The following VCP variants were observed in gnomAD, a reference collection of about 807,000 sequenced individuals.
VCP encodes the protein valosin containing protein, also known as transitional endoplasmic reticulum ATPase.
VCP carries 6 observed loss-of-function variants against 85.7 expected under a neutral mutation model. The observed-to-expected ratio is 0.07, with a 90% CI of 0.04 to 0.14. The LOEUF (loss-of-function observed/expected upper bound fraction) is 0.14. Among genes scored for constraint, VCP ranks in the 10% least tolerant of loss-of-function variants. VCP has a pLI of 1.00. For missense variants in VCP, 353 were observed against 1,043.4 expected (o/e 0.34, Z 9.12); for synonymous variants, 384 against 367.1 (o/e 1.05, Z -0.53).
intron 4 of VCP, 77 bp downstream of exon 4, chr9:35,066,596 GAA>G: frequency 7.7e-7 from 1 of 1,291,898 alleles, no homozygotes; most frequent in Non-Finnish European, 1.1e-6. Context: ...AAAAAAAAAA[GAA>G]AAAGAAAATG....
Position 35,062,218 on chromosome 9 carries a change from T to C in VCP, c.944A>G (p.Lys315Arg), listed in dbSNP as rs1165320538. Residue 315 changes from lysine (K) to arginine (R), a missense_variant and splice_region_variant, in exon 8 of 17, where the codon AAA (lysine) becomes AGA (arginine). By Grantham distance (26) the Lys-to-Arg change is conservative (BLOSUM62 2). Coordinates refer to ENST00000358901, the MANE Select transcript of VCP (RefSeq NM_007126.5). Reference protein sequence around the residue: ...ELDAIAPKREKTHGEVERRIV... With the variant: ...ELDAIAPKRERTHGEVERRIV... ...CTATCCCCTCAGGTAAGCTCCTACT[T>C]TCTCTCTTTTGGGAGCGATGGCATC... 1 of 1,614,074 alleles carries C rather than the reference T, an allele frequency of 6.2e-7. No individual in the cohort carries two copies. Among genetic ancestry groups the C allele is most frequent in the Admixed American group, 1.7e-5 (1 of 60,020 alleles).
At chr9:35,060,780 C>A (rs1828706592) in intron 12 of VCP, 21 bp downstream of exon 12, 1 of 1,614,162 alleles carries the variant, frequency 6.2e-7, no homozygotes, top group Non-Finnish European at 8.5e-7. Context: ...CAGTGACTCA[C>A]CCTGGACCAA....
chr9:35,063,963 G>A (rs1828778948), intron 6 of VCP, among the ~76,000 whole-genome samples, 191 bp downstream of exon 6: 2 of 152,204 alleles, frequency 1.3e-5, no homozygotes, highest in South Asian at 4.1e-4. Flanking sequence ...AATTTGATTA[G>A]CCTACTCTGG....
In VCP at chr9:35,072,387, G is replaced by T; in HGVS notation, c.-34C>A. ...CCTCTCCCGGCCGGCGGCTGTGGCG[G>T]CCCGCGGGTAACGGCTACGAGCGGT... On this transcript the variant is annotated 5_prime_UTR_variant, in exon 1 of 17. Transcript: ENST00000358901. 1 of 1,472,710 alleles carries T rather than the reference G, an allele frequency of 6.8e-7. No homozygotes were observed. The highest frequency in any genetic ancestry group is 2.9e-5 in the East Asian group (1 of 34,576). 91.2% of individuals were successfully genotyped at this position (1,472,710 alleles called of 1,614,324 possible).
chr9:35,070,160 G>A (rs755163295), intron 1 of VCP, among the ~76,000 whole-genome samples: 11 of 152,154 alleles, frequency 7.2e-5, no homozygotes, highest in Non-Finnish European at 1.2e-4. Flanking sequence ...CTCTAAACTA[G>A]TTTCTAACGA....
In VCP at chr9:35,065,380, T is replaced by A; in HGVS notation, c.447A>T (p.Gly149=). The A allele has an allele frequency of 6.2e-7, 1 of 1,614,160 alleles. No individual in the cohort carries two copies. The highest frequency in any genetic ancestry group is 1.1e-5 in the South Asian group (1 of 91,080). The change falls in exon 5 of 17, where the codon GGA becomes GGT. Residue 149 remains glycine, a splice_region_variant and synonymous_variant. Transcript: ENST00000358901. The stretch of plus-strand genomic sequence containing the variant: ...TCCCACCACGGACAAGAAAAATGTC[T>A]CCTGCGAGAGCAAACAGTACAAGCA... The part of the protein sequence containing the change: ...FLEAYRPIRK[G]DIFLVRGGMR...
At chr9:35,063,520 G>C (rs371998635) in intron 6 of VCP, among the ~76,000 whole-genome samples, 1 of 152,138 alleles carries the variant, frequency 6.6e-6, no homozygotes, top group Non-Finnish European at 1.5e-5. Flanking sequence ...TATCACACTG[G>C]AATGCTGTTC....
At chr9:35,072,117 G>C in intron 1 of VCP, 8 of 1,361,130 alleles carry the variant, frequency 5.9e-6, no homozygotes, top group Non-Finnish European at 7.5e-6. Flanking sequence ...GCTCCGACCC[G>C]GACCCAACGC....
At position 35,072,504 on chromosome 9, in the gene VCP, C is replaced by T. The variant is rs987386785; in HGVS notation, c.-151G>A. 9.8e-6 allele frequency: 10 copies of T among 1,024,380 alleles called. No homozygotes were observed. Among genetic ancestry groups the T allele is most frequent in the Non-Finnish European group, 1.3e-5 (10 of 766,138 alleles). 63.5% of individuals were successfully genotyped at this position (1,024,380 alleles called of 1,614,324 possible). A position where few individuals can be genotyped will look rare whatever the true frequency, so the allele number is the denominator to read the frequency against. ...GCAAGCGGCTTCCCTCTCGCTTCCT[C>T]CCACCGGCAGCGAGGCGTCGGGCGA... On this transcript the variant is annotated 5_prime_UTR_variant, in exon 1 of 17. Coordinates refer to ENST00000358901, the MANE Select transcript of VCP (RefSeq NM_007126.5).
At position 35,057,192 on chromosome 9, in the gene VCP, G is replaced by C; in HGVS notation, c.2346C>G (p.Gly782=). The change falls in exon 17 of 17, where the codon GGC becomes GGG. Residue 782 remains glycine (G), a synonymous_variant. Coordinates refer to ENST00000358901, the MANE Select transcript of VCP (RefSeq NM_007126.5). ...TGCCGCCTCCACTGCCCTGACTGGG[G>C]CCAGCTCCACCCTGGTTCCCTGAAG... The part of the protein sequence containing the change: ...RFPSGNQGGA[G]PSQGSGGGTG... 6.2e-7 allele frequency: 1 copy of C among 1,614,204 alleles called. No homozygotes were observed. Among genetic ancestry groups the C allele is most frequent in the South Asian group, 1.1e-5 (1 of 91,086 alleles).
chr9:35,071,670 AAAGT>A, intron 1 of VCP: 1 of 977,464 alleles, frequency 1.0e-6, no homozygotes, highest in Non-Finnish European at 1.2e-6. Flanking sequence ...CAACAGGCCT[AAAGT>A]AAGAAGACCA....
intron 4 of VCP, among the ~76,000 whole-genome samples, 186 bp from the exon 5 acceptor site, chr9:35,065,567 C>T (rs1222288458): frequency 6.6e-6 from 1 of 152,224 alleles, no homozygotes; most frequent in African/African-American, 2.4e-5. Context: ...GAAAGGTAAA[C>T]TGTGAAGAGT....
At chr9:35,062,628 C>T (rs191219066) in intron 7 of VCP, among the ~76,000 whole-genome samples, 1 of 152,220 alleles carries the variant, frequency 6.6e-6, no homozygotes, top group East Asian at 1.9e-4. Context: ...AGAGATGGCA[C>T]ACCAGATGGC....
chr9:35,063,170 G>C (rs969885731), intron 6 of VCP, 90 bp from the exon 7 acceptor site: 1 of 1,145,066 alleles, frequency 8.7e-7, no homozygotes, highest in African/African-American at 1.5e-5. Flanking sequence ...GTGAGAATCA[G>C]GCTTCAACCC....
rs1280346266 is a variant in VCP, at chr9:35,056,950, T to A, written c.*167A>T. On this transcript the variant is annotated 3_prime_UTR_variant, in exon 17 of 17. Transcript: ENST00000358901. Reference sequence around the variant, plus strand: ...TATTTTATCGCTTTTGTTTTGTATTTTTGCAACAGAAACCCCCTGTCCAGA... The same window carrying A: ...TATTTTATCGCTTTTGTTTTGTATTATTGCAACAGAAACCCCCTGTCCAGA... 3.4e-5 allele frequency: 24 copies of A among 696,928 alleles called. No individual in the cohort carries two copies. Among genetic ancestry groups the A allele is most frequent in the Non-Finnish European group, 6.0e-5 (24 of 398,990 alleles). 43.2% of individuals were successfully genotyped at this position (696,928 alleles called of 1,614,324 possible).
At chr9:35,066,964 T>C (rs922596154) in intron 3 of VCP, 147 bp from the exon 4 acceptor site, 3 of 1,324,184 alleles carry the variant, frequency 2.3e-6, no homozygotes, top group Non-Finnish European at 3.2e-6. Flanking sequence ...GAGAACAGGG[T>C]GGAAGTGAGG....
At chr9:35,063,317 C>T (rs1828763202) in intron 6 of VCP, among the ~76,000 whole-genome samples, 1 of 152,140 alleles carries the variant, frequency 6.6e-6, no homozygotes, top group Non-Finnish European at 1.5e-5. Flanking sequence ...GCATAGGAGA[C>T]TAAGGGCAGA....
intron 16 of VCP, 52 bp downstream of exon 16, chr9:35,057,324 T>C: frequency 6.2e-7 from 1 of 1,613,938 alleles, no homozygotes; most frequent in South Asian, 1.1e-5. Flanking sequence ...TCCCTTTTGG[T>C]GTAGGTCCCC....
chr9:35,072,139 A>AG, intron 1 of VCP, 198 bp downstream of exon 1: 1 of 1,389,304 alleles, frequency 7.2e-7, no homozygotes, highest in Admixed American at 3.4e-5. Flanking sequence ...AGCCCCGCCT[A>AG]GGGGGCGCGC....
Sources: allele counts gnomAD v4.1 joint callset (sites outside exome capture counted in the v4.1 genomes callset), GRCh38; gene constraint gnomAD v4.1.1; transcripts MANE v1.5; gene names NCBI Gene and HGNC (gene_info 2026-07-23, HGNC 2026-07-21).